Variants in SMAP2 observed in about 807,000 individuals in gnomAD.
The protein encoded by SMAP2 is small ArfGAP2.
In SMAP2, 25 loss-of-function variants were observed where a neutral mutation model predicts 56.4. That is an observed-to-expected ratio of 0.44 (90% CI 0.32 to 0.62). The LOEUF is 0.62. SMAP2 is among the 20% of genes least tolerant of loss of function. SMAP2 has a pLI of 0.04. For synonymous variants in SMAP2, 157 were observed against 181.7 expected (o/e 0.86, Z 1.09); for missense variants, 388 against 545.6 (o/e 0.71, Z 2.88).
intron 1 of SMAP2, among the ~76,000 whole-genome samples, chr1:40,352,282 GC>G (rs1644412046): frequency 6.6e-6 from 1 of 152,028 alleles, no homozygotes; most frequent in Non-Finnish European, 1.5e-5. Flanking sequence ...AGCATACAAG[GC>G]CTTTCGTGAT....
intron 1 of SMAP2, chr1:40,393,545 T>G: frequency 1.1e-6 from 1 of 908,154 alleles, no homozygotes; most frequent in Non-Finnish European, 1.4e-6. Context: ...TTCTAACTTT[T>G]TTTTTTTTTT....
intron 1 of SMAP2, among the ~76,000 whole-genome samples, chr1:40,403,397 C>G (rs1003150695): frequency 6.6e-6 from 1 of 152,048 alleles, no homozygotes; most frequent in Non-Finnish European, 1.5e-5. Context: ...CCCAGCTACT[C>G]GGGAAGCTGA....
intron 1 of SMAP2, among the ~76,000 whole-genome samples, chr1:40,360,555 G>A (rs943226523): frequency 6.6e-6 from 1 of 152,140 alleles, no homozygotes; most frequent in Non-Finnish European, 1.5e-5. Flanking sequence ...CACCTGCCTC[G>A]GCCTCCCAAA....
intron 1 of SMAP2, among the ~76,000 whole-genome samples, chr1:40,401,974 C>T (rs1042862512): frequency 1.3e-5 from 2 of 152,292 alleles, no homozygotes; most frequent in Non-Finnish European, 2.9e-5. Flanking sequence ...GCTGCCCACG[C>T]CTGCTCTTAG....
intron 1 of SMAP2, among the ~76,000 whole-genome samples, chr1:40,402,826 G>A (rs1025115348): frequency 1.3e-5 from 2 of 152,160 alleles, no homozygotes; most frequent in South Asian, 2.1e-4. Context: ...AGGTCATTAT[G>A]TTAAGTGAAA....
intron 1 of SMAP2, among the ~76,000 whole-genome samples, chr1:40,353,683 G>C (rs1294290175): frequency 6.6e-6 from 1 of 152,056 alleles, no homozygotes; most frequent in Non-Finnish European, 1.5e-5. Context: ...TCTTAAAAGA[G>C]ACTGCTGAGC....
At chr1:40,413,821 AG>A (rs1194643386) in intron 5 of SMAP2, among the ~76,000 whole-genome samples, 1 of 152,194 alleles carries the variant, frequency 6.6e-6, no homozygotes, top group African/African-American at 2.4e-5. Context: ...TTGTACCATC[AG>A]ATACCTACCT....
At chr1:40,346,330 G>T (rs1014687701) in intron 1 of SMAP2, among the ~76,000 whole-genome samples, 1 of 151,776 alleles carries the variant, frequency 6.6e-6, no homozygotes, top group African/African-American at 2.4e-5. Flanking sequence ...AATAAATTGT[G>T]TCCTTTGGAT....
At chr1:40,378,741 C>T (rs1224973523) in intron 1 of SMAP2, among the ~76,000 whole-genome samples, 1 of 152,208 alleles carries the variant, frequency 6.6e-6, no homozygotes, top group African/African-American at 2.4e-5. Flanking sequence ...TCTTCTGCTA[C>T]ATCCTATCTC....
At chr1:40,420,335 G>A (rs1322531001) in intron 9 of SMAP2, among the ~76,000 whole-genome samples, 4 of 152,144 alleles carry the variant, frequency 2.6e-5, no homozygotes, top group East Asian at 1.9e-4. Flanking sequence ...TCAGAGGGAC[G>A]CATGAGCCAA....
chr1:40,409,382 A>T (rs2124348290), intron 3 of SMAP2, among the ~76,000 whole-genome samples: 1 of 152,274 alleles, frequency 6.6e-6, no homozygotes, highest in South Asian at 2.1e-4. Flanking sequence ...ACAAGAGTTT[A>T]TGTTTTTAAG....
Position 40,345,679 on chromosome 1 carries a change from G to A in SMAP2, c.-83+769G>A, listed in dbSNP as rs530584804. 1.5e-4 allele frequency among the ~76,000 whole-genome samples: 23 copies of A among 151,194 alleles called. 1 individual carries two copies. In the South Asian group the frequency reaches 4.0e-3, roughly 26 times the overall value. ...ACAATTTTCTTTTCTTCAACATGTC[G>A]TGAATTTATTTCCTGATCAGCATAT... On this transcript the variant is annotated intron_variant, in intron 1 of 6. Coordinates refer to the SMAP2 transcript ENST00000435168.
In SMAP2 at chr1:40,422,802, C is replaced by G. The variant is rs186742111; in HGVS notation, c.*701C>G. The G allele has an allele frequency of 2.0e-3, 299 of 152,970 alleles. 1 individual carries two copies. The highest frequency in any genetic ancestry group is 3.2e-3 in the Non-Finnish European group (219 of 68,568). The allele number at this position is 152,970 out of a possible 1,614,324, so 9.5% of individuals were successfully genotyped here. A position where few individuals can be genotyped will look rare whatever the true frequency, so the allele number is the denominator to read the frequency against. ...CAGACACACATCCCTTCCCGCCTCC[C>G]CCCTGCCTTCAGTAGGATCTGGCTC... On this transcript the variant is annotated 3_prime_UTR_variant, in exon 10 of 10. Transcript: ENST00000372718.
chr1:40,400,862 C>T (rs114325796), intron 1 of SMAP2, among the ~76,000 whole-genome samples: 4,460 of 152,184 alleles, frequency 0.029, 103 homozygotes, highest in Middle Eastern at 0.054. Context: ...AGTCTGTGAG[C>T]TTTTTGAATT....
In SMAP2 at chr1:40,374,645, G is replaced by A. The variant is rs1644525418; in HGVS notation, c.103+422G>A. On this transcript the variant is annotated intron_variant, in intron 1 of 9. Transcript: ENST00000372718. This position sits in a 1 kb window ranked among gnomAD's most constrained non-coding sequence, Gnocchi z 5.9. ...TGTGTGAGAGAGAGAGAGAGAGAAT[G>A]ACGAGGAGGAGGAGGAGGGAAGTGA... 3 of 1,525,674 alleles carry A rather than the reference G, an allele frequency of 2.0e-6. No homozygotes were observed. The highest frequency in any genetic ancestry group is 2.7e-6 in the Non-Finnish European group (3 of 1,126,234). The allele number at this position is 1,525,674 out of a possible 1,614,324, so 94.5% of individuals were successfully genotyped here. A position where few individuals can be genotyped will look rare whatever the true frequency, so the allele number is the denominator to read the frequency against.
chr1:40,392,733 G>A (rs1413676432), intron 1 of SMAP2, among the ~76,000 whole-genome samples: 2 of 152,116 alleles, frequency 1.3e-5, no homozygotes, highest in Non-Finnish European at 1.5e-5. Context: ...TTACCTTTCT[G>A]TGATTTTCTG....
intron 1 of SMAP2, among the ~76,000 whole-genome samples, chr1:40,398,394 C>T (rs567814344): frequency 7.2e-6 from 1 of 139,066 alleles, no homozygotes; most frequent in Non-Finnish European, 1.6e-5. Context: ...ACACCGAGCT[C>T]ATTTATTCAT....
At chr1:40,378,553 C>T (rs1644563500) in intron 1 of SMAP2, among the ~76,000 whole-genome samples, 1 of 152,138 alleles carries the variant, frequency 6.6e-6, no homozygotes, top group South Asian at 2.1e-4. Flanking sequence ...CTGAAGCAGT[C>T]CTCCCATCTC....
chr1:40,359,211 T>A (rs1644449133), intron 1 of SMAP2, among the ~76,000 whole-genome samples: 1 of 152,208 alleles, frequency 6.6e-6, no homozygotes, highest in South Asian at 2.1e-4. Context: ...CCAGCAATTC[T>A]CCTGCCTCAG....
Sources: allele counts gnomAD v4.1 joint callset (sites outside exome capture counted in the v4.1 genomes callset), GRCh38; gene constraint gnomAD v4.1.1; non-coding constraint Gnocchi (gnomAD v3.1); transcripts MANE v1.5; gene names NCBI Gene and HGNC (gene_info 2026-07-23, HGNC 2026-07-21).